The following RTL4 variants were observed in gnomAD, a reference collection of about 807,000 sequenced individuals.
RTL4 encodes the protein retrotransposon Gag like 4, also known as retrotransposon Gag-like protein 4.
RTL4 carries 4 observed loss-of-function variants against 5.3 expected under a neutral mutation model. The observed-to-expected ratio is 0.75, with a 90% CI of 0.37 to 1.72. RTL4 has a LOEUF of 1.72. Among genes scored for constraint, RTL4 ranks in the 40% most tolerant of loss-of-function variants. The pLI is 0.04. For missense variants in RTL4, 260 were observed against 227.1 expected (o/e 1.14, Z -0.93); for synonymous variants, 98 against 87.3 (o/e 1.12, Z -0.68).
the RTL4 span, among the ~76,000 whole-genome samples, chrX:112,133,719 G>A: frequency 3.6e-5 from 4 of 111,726 alleles, no homozygotes; most frequent in Admixed American, 3.8e-4. Context: ...GAAAAATAAG[G>A]GTATTTAACA....
chrX:112,384,370 G>A, the RTL4 span, among the ~76,000 whole-genome samples: 3 of 111,908 alleles, frequency 2.7e-5, no homozygotes, highest in Non-Finnish European at 5.6e-5. Context: ...AATCCATCTT[G>A]AGTTAATTTT....
At chrX:112,209,028 TG>T in the RTL4 span, among the ~76,000 whole-genome samples, 2 of 112,417 alleles carry the variant, frequency 1.8e-5, no homozygotes, top group Admixed American at 1.9e-4. Flanking sequence ...CCTGCCACCG[TG>T]GCCACTTTGT....
the RTL4 span, among the ~76,000 whole-genome samples, chrX:112,423,772 C>T: frequency 8.9e-6 from 1 of 111,815 alleles, no homozygotes; most frequent in Non-Finnish European, 1.9e-5. Flanking sequence ...TGAATTAATG[C>T]AAAATTTGAA....
chrX:112,204,268 A>G, the RTL4 span, among the ~76,000 whole-genome samples: 6 of 112,265 alleles, frequency 5.3e-5, no homozygotes, highest in Non-Finnish European at 9.4e-5. Flanking sequence ...AGGTTTCTCA[A>G]TAAACTAAAA....
At chrX:112,325,220 C>G in the RTL4 span, among the ~76,000 whole-genome samples, 5 of 111,802 alleles carry the variant, frequency 4.5e-5, no homozygotes, top group East Asian at 1.1e-3. Context: ...AATGGCCATA[C>G]TGCCCAAGGT....
At chrX:112,427,642 CTAAT>C in the RTL4 span, among the ~76,000 whole-genome samples, 3 of 110,673 alleles carry the variant, frequency 2.7e-5, no homozygotes, top group Non-Finnish European at 5.7e-5. Flanking sequence ...TTCTAGTTTC[CTAAT>C]TAATAATTTA....
At chrX:112,395,102 A>G in the RTL4 span, among the ~76,000 whole-genome samples, 1 of 112,180 alleles carries the variant, frequency 8.9e-6, no homozygotes, top group African/African-American at 3.2e-5. Flanking sequence ...GTCAGTGTAC[A>G]CTGAAGACTT....
the RTL4 span, among the ~76,000 whole-genome samples, chrX:112,326,653 C>T: frequency 8.9e-6 from 1 of 111,996 alleles, no homozygotes; most frequent in African/African-American, 3.2e-5. Flanking sequence ...TGGAGCCCAC[C>T]ACAGCTCAAG....
the RTL4 span, among the ~76,000 whole-genome samples, chrX:112,163,170 T>C: frequency 8.9e-6 from 1 of 111,955 alleles, no homozygotes; most frequent in African/African-American, 3.2e-5. Context: ...AGAATGGAGT[T>C]GTAGAAAGAG....
At chrX:112,272,079 C>T in the RTL4 span, among the ~76,000 whole-genome samples, 3 of 111,793 alleles carry the variant, frequency 2.7e-5, no homozygotes, top group African/African-American at 9.7e-5. Flanking sequence ...ATGTACAATA[C>T]TGTATTATTA....
chrX:112,201,338 C>A, the RTL4 span, among the ~76,000 whole-genome samples: 1 of 111,104 alleles, frequency 9.0e-6, no homozygotes, highest in African/African-American at 3.3e-5. Flanking sequence ...CTAACCTTTT[C>A]ACACCTCCTT....
At chrX:112,221,735 A>G in the RTL4 span, among the ~76,000 whole-genome samples, 5 of 112,291 alleles carry the variant, frequency 4.5e-5, no homozygotes, top group Non-Finnish European at 9.4e-5. Flanking sequence ...TGTTTTCTGA[A>G]GGAAATTCAG....
At chrX:112,346,671 T>C in the RTL4 span, among the ~76,000 whole-genome samples, 2 of 111,087 alleles carry the variant, frequency 1.8e-5, no homozygotes, top group Non-Finnish European at 3.8e-5. Flanking sequence ...TACTGAATAC[T>C]TCGGATGTGT....
the RTL4 span, among the ~76,000 whole-genome samples, chrX:112,262,385 A>G: frequency 1.8e-5 from 2 of 112,459 alleles, no homozygotes; most frequent in Non-Finnish European, 3.8e-5. Flanking sequence ...TGGGCAAAGG[A>G]TATGAACAGA....
the RTL4 span, among the ~76,000 whole-genome samples, chrX:112,240,459 G>A: frequency 9.0e-6 from 1 of 111,573 alleles, no homozygotes; most frequent in African/African-American, 3.3e-5. Flanking sequence ...AATGTGCTCA[G>A]AACTATTACA....
At chrX:112,414,414 A>C in the RTL4 span, among the ~76,000 whole-genome samples, 1 of 111,441 alleles carries the variant, frequency 9.0e-6, no homozygotes, top group Non-Finnish European at 1.9e-5. Flanking sequence ...CCATTTCAAA[A>C]TCACTTTTTG....
the RTL4 span, among the ~76,000 whole-genome samples, chrX:112,292,286 TC>T: frequency 8.9e-6 from 1 of 111,797 alleles, no homozygotes; most frequent in Non-Finnish European, 1.9e-5. Flanking sequence ...AGGAAAAAGA[TC>T]TAGGACAGAA....
the RTL4 span, among the ~76,000 whole-genome samples, chrX:112,295,656 G>A: frequency 2.7e-5 from 3 of 112,322 alleles, no homozygotes; most frequent in Admixed American, 9.4e-5. Flanking sequence ...TGAGCCTTCC[G>A]GGGCATTATG....
chrX:112,309,143 T>C, the RTL4 span, among the ~76,000 whole-genome samples: 1 of 111,686 alleles, frequency 9.0e-6, no homozygotes, highest in Admixed American at 9.6e-5. Flanking sequence ...ACTGGGTAGT[T>C]TAAACAACAG....
Sources: allele counts gnomAD v4.1 joint callset (sites outside exome capture counted in the v4.1 genomes callset), GRCh38; gene constraint gnomAD v4.1.1; transcripts MANE v1.5; gene names NCBI Gene and HGNC (gene_info 2026-07-23, HGNC 2026-07-21).